Variants in TUBG2 observed in about 807,000 individuals in gnomAD.
The protein encoded by TUBG2 is tubulin gamma-2 chain.
In TUBG2, 39 loss-of-function variants were observed where a neutral mutation model predicts 55.1. The observed-to-expected ratio is 0.71, with a 90% CI of 0.55 to 0.93. The LOEUF is 0.93. Ranked by LOEUF, TUBG2 falls within the 40% of genes least tolerant of loss-of-function variation. The pLI is 0.00. For synonymous variants in TUBG2, 223 were observed against 241.0 expected, an observed-to-expected ratio of 0.93 and a Z score of 0.69; for missense variants, 358 against 599.1, an observed-to-expected ratio of 0.60 and a Z score of 4.20.
At position 42,659,298 on chromosome 17, in the gene TUBG2, T is replaced by G; in HGVS notation, c.-206T>G. Reference sequence around the variant, plus strand: ...GCCTGTGCGGAATTCCAGCTGCGACTGCTGAGGGAGAAAATGATGCCCAGG... The same window carrying G: ...GCCTGTGCGGAATTCCAGCTGCGACGGCTGAGGGAGAAAATGATGCCCAGG... On this transcript the variant is annotated 5_prime_UTR_variant, in exon 1 of 11. Transcript: ENST00000251412. 1.9e-6 allele frequency: 1 copy of G among 529,336 alleles called. No individual in the cohort carries two copies. Among genetic ancestry groups the G allele is most frequent in the Non-Finnish European group, 3.3e-6 (1 of 304,538 alleles). 32.8% of individuals were successfully genotyped at this position (529,336 alleles called of 1,614,324 possible). A position where few individuals can be genotyped will look rare whatever the true frequency, so the allele number is the denominator to read the frequency against.
intron 6 of TUBG2, 130 bp from the exon 7 acceptor site, chr17:42,665,346 C>T: frequency 3.6e-6 from 5 of 1,393,536 alleles, no homozygotes; most frequent in Non-Finnish European, 4.8e-6. Context: ...CGCGCCCGGC[C>T]TCAGTACTTT....
intron 6 of TUBG2, 126 bp from the exon 7 acceptor site, chr17:42,665,349 AG>A: frequency 7.4e-7 from 1 of 1,358,128 alleles, no homozygotes; most frequent in Non-Finnish European, 9.8e-7. Flanking sequence ...GCCCGGCCTC[AG>A]TACTTTTTTT....
At chr17:42,660,855 A>G (rs2052366913) in intron 4 of TUBG2, 148 bp downstream of exon 4, 2 of 664,700 alleles carry the variant, frequency 3.0e-6, no homozygotes, top group African/African-American at 1.8e-5. Flanking sequence ...ATTGAGGTGA[A>G]TAAGATATAA....
At chr17:42,664,963 G>T (rs1228584300) in intron 6 of TUBG2, among the ~76,000 whole-genome samples, 1 of 149,860 alleles carries the variant, frequency 6.7e-6, no homozygotes, top group African/African-American at 2.4e-5. Context: ...GGCCTCGAGT[G>T]GTCCTCCCAC....
At chr17:42,662,800 A>C (rs1253161496) in intron 4 of TUBG2, among the ~76,000 whole-genome samples, 173 bp from the exon 5 acceptor site, 1 of 152,214 alleles carries the variant, frequency 6.6e-6, no homozygotes, top group Non-Finnish European at 1.5e-5. Context: ...AGTCAGGGAC[A>C]GTCTGTAGGT....
rs200827084 is a variant in TUBG2 at position 42,666,069 on chromosome 17, G to C, written c.844-18G>C. 1.9e-6 allele frequency: 3 copies of C among 1,613,942 alleles called. No individual in the cohort carries two copies. Among genetic ancestry groups the C allele is most frequent in the South Asian group, 2.2e-5 (2 of 91,078 alleles). ...TGCCCTGAGCGCTGGCCGGGTCCCT[G>C]TCTCACTGTCCCATCAGGTGGCCAG... On this transcript the variant is annotated intron_variant, in intron 8 of 10. Transcript: ENST00000251412.
chr17:42,660,743 A>T (rs2143514327), intron 4 of TUBG2, 36 bp downstream of exon 4: 1 of 1,600,692 alleles, frequency 6.2e-7, no homozygotes, highest in Admixed American at 1.7e-5. Flanking sequence ...ATGGGCAGGG[A>T]GGCCGAAGAG....
intron 8 of TUBG2, 67 bp from the exon 9 acceptor site, chr17:42,666,020 G>A: frequency 2.5e-6 from 4 of 1,608,654 alleles, no homozygotes; most frequent in South Asian, 1.1e-5. Flanking sequence ...TTTGGCTTCT[G>A]CCAAAGAGAA....
At chr17:42,662,150 C>T (rs1482607729) in intron 4 of TUBG2, among the ~76,000 whole-genome samples, 1 of 151,530 alleles carries the variant, frequency 6.6e-6, no homozygotes, top group African/African-American at 2.4e-5. Context: ...GCAAAATATA[C>T]AAACATTATC....
Position 42,660,461 on chromosome 17 carries a change from T to C in TUBG2, c.330+145T>C. On this transcript the variant is annotated intron_variant, in intron 3 of 10. Transcript: ENST00000251412. ...AGAGGGACAGCCAGGGAGAGGTTTA[T>C]GCAAATTTTGTGCAAATCATTTGCA... 3.5e-6 allele frequency: 5 copies of C among 1,432,514 alleles called. No homozygotes were observed. The South Asian group carries it at 5.2e-5, about 15-fold the overall frequency. 88.7% of individuals were successfully genotyped at this position (1,432,514 alleles called of 1,614,324 possible).
rs1229867596 is a variant in TUBG2 at position 42,665,488 on chromosome 17, A to G, written c.619A>G (p.Asn207Asp). Residue 207 changes from asparagine (N) to aspartate (D), a missense_variant, in exon 7 of 11, where the codon AAC (asparagine) becomes GAC (aspartate). By Grantham distance (23) the Asn-to-Asp change is conservative. This residue lies in a region of TUBG2 where 52 missense variants were observed against 53.8 expected (regional missense o/e 0.97). Transcript: ENST00000251412. ...TCTGTCCCCCCAGGTGGTGCTGGAC[A>G]ACACAGCCCTGAACCGGATTGCCAC... Reference protein sequence around the residue: ...QNADCVVVLDNTALNRIATDR... With the variant: ...QNADCVVVLDDTALNRIATDR... 1 of 1,614,126 alleles carries G rather than the reference A, an allele frequency of 6.2e-7. No individual in the cohort carries two copies. The highest frequency in any genetic ancestry group is 1.1e-5 in the South Asian group (1 of 91,078).
At chr17:42,662,868 T>G (rs1455703749) in intron 4 of TUBG2, 105 bp from the exon 5 acceptor site, 4 of 1,080,704 alleles carry the variant, frequency 3.7e-6, no homozygotes, top group Non-Finnish European at 5.5e-6. Flanking sequence ...TAGAATTGAC[T>G]GCTTACCTGA....
intron 7 of TUBG2, 53 bp downstream of exon 7, chr17:42,665,615 G>C: frequency 1.2e-6 from 2 of 1,614,088 alleles, no homozygotes; most frequent in African/African-American, 1.3e-5. Context: ...TTGCTGGAGG[G>C]TCATCTGGGG....
rs757065375 is a variant in TUBG2, at chr17:42,663,522, G to A, written c.606+19G>A. 9 of 1,613,174 alleles carry A rather than the reference G, an allele frequency of 5.6e-6. No homozygotes were observed. The highest frequency in any genetic ancestry group is 6.8e-6 in the Non-Finnish European group (8 of 1,179,508). ...TTGTGTGGTGAGCAAAGAAAGAGTT[G>A]AGGGGCTGGGTGTGGTGGCTCATGC... On this transcript the variant is annotated intron_variant, in intron 6 of 10. Transcript: ENST00000251412.
intron 6 of TUBG2, 90 bp from the exon 7 acceptor site, chr17:42,665,386 G>C: frequency 2.5e-6 from 4 of 1,593,104 alleles, no homozygotes; most frequent in Non-Finnish European, 3.4e-6. Flanking sequence ...CCTACTTCCT[G>C]GCTTTGGAGT....
chr17:42,666,521 T>C (rs2052550177), intron 10 of TUBG2, 37 bp downstream of exon 10: 3 of 1,613,704 alleles, frequency 1.9e-6, no homozygotes, highest in Non-Finnish European at 1.7e-6. Flanking sequence ...GAAGAGTCTG[T>C]TCCACTGGCC....
chr17:42,665,906 A>G, intron 8 of TUBG2, 79 bp downstream of exon 8: 2 of 1,600,632 alleles, frequency 1.2e-6, no homozygotes, highest in Non-Finnish European at 1.7e-6. Flanking sequence ...TCTCTTCCCC[A>G]CTGCCCCAGG....
Position 42,660,651 on chromosome 17 carries a change from C to G in TUBG2, c.343C>G (p.His115Asp). ...TATCTCTATACAGGGTGAGAAAATT[C>G]ATGAAGACATCTTTGACATCATAGA... ...ASGFSQGEKIHEDIFDIIDRE... is the reference protein window; with the variant it reads ...ASGFSQGEKIDEDIFDIIDRE... The change falls in exon 4 of 11, where the codon CAT becomes GAT. Residue 115 changes from histidine (H) to aspartate (D), a missense_variant. By Grantham distance (81) the His-to-Asp change is moderately conservative. Transcript: ENST00000251412. 1 of 1,614,082 alleles carries G rather than the reference C, an allele frequency of 6.2e-7. No individual in the cohort carries two copies. Among genetic ancestry groups the G allele is most frequent in the Non-Finnish European group, 8.5e-7 (1 of 1,180,002 alleles).
In TUBG2 at chr17:42,666,852, C is replaced by T. The variant is rs377735674; in HGVS notation, c.*52C>T. The T allele has an allele frequency of 5.8e-5, 92 of 1,596,190 alleles. No homozygotes were observed. In the African/African-American group the frequency reaches 1.1e-3, roughly 20 times the overall value. ...TCTAGATGGTAACCACAGCCTCGAC[C>T]ATGCCTGCTCCCTCTGACCCAGCTT... On this transcript the variant is annotated 3_prime_UTR_variant, in exon 11 of 11. Transcript: ENST00000251412.
Sources: gnomAD v4.1 joint callset for allele counts (sites outside exome capture counted in the v4.1 genomes callset) on GRCh38, gnomAD v4.1.1 for gene constraint, gnomAD v4.1.1 regional missense constraint, MANE v1.5 for transcripts, NCBI Gene and HGNC (gene_info 2026-07-23, HGNC 2026-07-21) for gene names.